The following SMAD3 variants were observed in gnomAD, a reference collection of about 807,000 sequenced individuals.
SMAD3 encodes MAD homolog 3.
In SMAD3, 12 loss-of-function variants were observed where a neutral mutation model predicts 51.8. The observed-to-expected ratio is 0.23, with a 90% CI of 0.15 to 0.38. The LOEUF (loss-of-function observed/expected upper bound fraction) is 0.38. Ranked by LOEUF, SMAD3 falls within the 10% of genes least tolerant of loss-of-function variation. SMAD3 has a pLI of 1.00. For synonymous variants in SMAD3, 238 were observed against 227.7 expected, an observed-to-expected ratio of 1.05 and a Z score of -0.41; for missense variants, 294 against 565.6, an observed-to-expected ratio of 0.52 and a Z score of 4.87.
At chr15:67,129,592 T>C (rs1394975074) in intron 1 of SMAD3, among the ~76,000 whole-genome samples, 1 of 152,218 alleles carries the variant, frequency 6.6e-6, no homozygotes, top group Non-Finnish European at 1.5e-5. Flanking sequence ...TGGTACTGTC[T>C]CTGGTTTCAG....
intron 1 of SMAD3, among the ~76,000 whole-genome samples, chr15:67,147,515 C>T (rs1342935137): frequency 1.3e-5 from 2 of 152,112 alleles, no homozygotes; most frequent in East Asian, 1.9e-4. Context: ...CTTTCCTGGG[C>T]CCCAGTTTCC....
At chr15:67,109,732 T>C (rs1960959403) in intron 1 of SMAD3, among the ~76,000 whole-genome samples, 1 of 152,200 alleles carries the variant, frequency 6.6e-6, no homozygotes, top group Non-Finnish European at 1.5e-5. Flanking sequence ...AGAGCTGAAC[T>C]TCACATGACC....
In SMAD3 at chr15:67,099,011, C is replaced by T. The variant is rs549990981; in HGVS notation, c.206+32651C>T. On this transcript the variant is annotated intron_variant, in intron 1 of 8. Transcript: ENST00000327367. ...CTGTGGACAGAGCGTATGTCCTGAG[C>T]GAGGATCAACTCTGTGAGTACCCAT... 475 of 701,774 alleles carry T rather than the reference C, an allele frequency of 6.8e-4. 6 individuals are homozygous for T. Among genetic ancestry groups the T allele is most frequent in the South Asian group, 5.1e-3 (344 of 67,554 alleles). The allele number at this position is 701,774 out of a possible 1,614,324, so 43.5% of individuals were successfully genotyped here.
chr15:67,104,898 C>T (rs1960842686), intron 1 of SMAD3, among the ~76,000 whole-genome samples: 1 of 152,270 alleles, frequency 6.6e-6, no homozygotes, highest in Non-Finnish European at 1.5e-5. Flanking sequence ...CTGAAAGCTG[C>T]TTCCCATCTG....
chr15:67,095,251 G>T (rs1285171119), intron 1 of SMAD3, among the ~76,000 whole-genome samples: 1 of 152,106 alleles, frequency 6.6e-6, no homozygotes, highest in Non-Finnish European at 1.5e-5. Context: ...GGCTCATCTG[G>T]TCCTGAGGTG....
intron 1 of SMAD3, among the ~76,000 whole-genome samples, chr15:67,106,102 C>A (rs1960871782): frequency 6.6e-6 from 1 of 152,166 alleles, no homozygotes; most frequent in African/African-American, 2.4e-5. Flanking sequence ...CTTCCTCACC[C>A]AAATCAGGAT....
chr15:67,111,334 A>G (rs1961010033), intron 1 of SMAD3, among the ~76,000 whole-genome samples: 1 of 152,138 alleles, frequency 6.6e-6, no homozygotes, highest in African/African-American at 2.4e-5. Context: ...ATTCCTTTTT[A>G]TGGCCAAATA....
At chr15:67,073,637 C>T (rs1460069969) in intron 1 of SMAD3, among the ~76,000 whole-genome samples, 2 of 151,936 alleles carry the variant, frequency 1.3e-5, no homozygotes, top group Non-Finnish European at 2.9e-5. Flanking sequence ...GAGGGCCTTT[C>T]TAACTTGGAA....
At chr15:67,084,410 A>C (rs1194248872) in intron 1 of SMAD3, among the ~76,000 whole-genome samples, 1 of 150,594 alleles carries the variant, frequency 6.6e-6, no homozygotes, top group South Asian at 2.1e-4. Context: ...AGCCCTCTGA[A>C]CTCTCCTTGG....
chr15:67,194,510 G>A lies in SMAD3; in HGVS notation c.*3974G>A, dbSNP rs1963452058. ...ATTCTGCAATGGATTTTTTTTTAAT[G>A]CAGAAGTAATGTATACTCTAGTATT... On this transcript the variant is annotated 3_prime_UTR_variant, in exon 9 of 9. Transcript: ENST00000327367. The A allele has an allele frequency of 4.3e-6, 1 of 232,464 alleles. No individual in the cohort carries two copies. The highest frequency in any genetic ancestry group is 2.2e-5 in the African/African-American group (1 of 45,234). The allele number at this position is 232,464 out of a possible 1,614,324, so 14.4% of individuals were successfully genotyped here.
intron 1 of SMAD3, among the ~76,000 whole-genome samples, chr15:67,158,929 A>AT (rs1289256205): frequency 1.6e-4 from 25 of 152,144 alleles, no homozygotes; most frequent in African/African-American, 5.8e-4. Flanking sequence ...CTGACAATAG[A>AT]TTCCTGCCAC....
chr15:67,119,576 G>A (rs1177105310), intron 1 of SMAD3, among the ~76,000 whole-genome samples: 1 of 152,144 alleles, frequency 6.6e-6, no homozygotes, highest in East Asian at 1.9e-4. Context: ...GCAGATGGAT[G>A]GAACCCTGGC....
chr15:67,089,931 C>T (rs751179198), intron 1 of SMAD3, among the ~76,000 whole-genome samples: 40 of 152,166 alleles, frequency 2.6e-4, no homozygotes, highest in Non-Finnish European at 5.1e-4. Context: ...ATGGAGCATT[C>T]GGTGGTCTAA....
chr15:67,157,360 CAG>C (rs1962310602), intron 1 of SMAD3, among the ~76,000 whole-genome samples: 1 of 152,310 alleles, frequency 6.6e-6, no homozygotes, highest in Non-Finnish European at 1.5e-5. Context: ...CATGGGATGA[CAG>C]AAAAAGCGCT....
intron 1 of SMAD3, among the ~76,000 whole-genome samples, chr15:67,138,930 G>A (rs1007173263): frequency 1.3e-5 from 2 of 152,198 alleles, no homozygotes; most frequent in African/African-American, 2.4e-5. Flanking sequence ...TTTGATCAGT[G>A]TTTAAGGAAC....
intron 6 of SMAD3, among the ~76,000 whole-genome samples, chr15:67,183,000 A>AAAATATATAT (rs61323717): frequency 9.2e-5 from 4 of 43,640 alleles, no homozygotes; most frequent in Non-Finnish European, 1.5e-4. Flanking sequence ...AAAAAAAAAA[A>AAAATATATAT]ATATATATAT....
At position 67,151,697 on chromosome 15, in the gene SMAD3, A is replaced by G. The variant is rs564008974; in HGVS notation, c.207-13198A>G. ...AAAAATATTTGATTTTTTTAAATTG[A>G]CAAATAATTGTCCATATTCATGGGA... On this transcript the variant is annotated intron_variant, in intron 1 of 8. Transcript: ENST00000327367. Among the ~76,000 whole-genome samples, 8 of 152,308 alleles carry G rather than the reference A, an allele frequency of 5.3e-5. No individual in the cohort carries two copies. The South Asian group carries it at 1.5e-3, about 28-fold the overall frequency.
chr15:67,172,202 C>G (rs1962771529), intron 5 of SMAD3, among the ~76,000 whole-genome samples: 1 of 151,730 alleles, frequency 6.6e-6, no homozygotes, highest in Admixed American at 6.6e-5. Context: ...ACATAATTCT[C>G]CCTCCCTACT....
intron 1 of SMAD3, among the ~76,000 whole-genome samples, chr15:67,089,705 T>A (rs1712771719): frequency 6.6e-6 from 1 of 152,240 alleles, no homozygotes. Flanking sequence ...ACACCACTAC[T>A]TTCCTGCGTA....
Sources: gnomAD v4.1 joint callset for allele counts (sites outside exome capture counted in the v4.1 genomes callset) on GRCh38, gnomAD v4.1.1 for gene constraint, MANE v1.5 for transcripts, NCBI Gene and HGNC (gene_info 2026-07-23, HGNC 2026-07-21) for gene names.